The following ZMAT3 variants were observed in gnomAD, a reference collection of about 807,000 sequenced individuals.
The protein encoded by ZMAT3 is zinc finger matrin-type 3, also known as zinc finger matrin-type protein 3.
ZMAT3 carries 17 observed loss-of-function variants against 32.3 expected under a neutral mutation model. The observed-to-expected ratio is 0.53, with a 90% CI of 0.36 to 0.79. ZMAT3 has a LOEUF of 0.79. ZMAT3 is among the 30% of genes least tolerant of loss of function. The probability of loss-of-function intolerance (pLI) is 0.00; values close to 1 mark genes in which losing one functional copy is unlikely to be tolerated. For synonymous variants in ZMAT3, 120 were observed against 133.1 expected (o/e 0.90, Z 0.68); for missense variants, 329 against 359.7 (o/e 0.91, Z 0.69).
intron 2 of ZMAT3, among the ~76,000 whole-genome samples, chr3:179,045,399 G>C (rs555696971): frequency 6.6e-6 from 1 of 152,122 alleles, no homozygotes; most frequent in African/African-American, 2.4e-5. Context: ...CCACCTACAG[G>C]ACAACAGATA....
In ZMAT3 at chr3:179,030,781, A is replaced by T. The variant is rs893100162; in HGVS notation, c.390+99T>A. ...CTTTCAGGATTATTTTCCCAACTGT[A>T]CCCTAATGGACACATGGACGACAAA... On this transcript the variant is annotated intron_variant, in intron 3 of 5. Transcript: ENST00000311417. The T allele has an allele frequency of 5.5e-5, 82 of 1,481,062 alleles. 1 individual carries two copies. In the East Asian group the frequency reaches 2.0e-3, roughly 36 times the overall value. The allele number at this position is 1,481,062 out of a possible 1,614,324, so 91.7% of individuals were successfully genotyped here.
In ZMAT3 at chr3:179,025,240, G is replaced by A. The variant is rs767044952; in HGVS notation, c.659-12C>T. 2.5e-6 allele frequency: 4 copies of A among 1,585,914 alleles called. No homozygotes were observed. In the East Asian group the frequency reaches 9.3e-5, roughly 37 times the overall value. On this transcript the variant is annotated splice_polypyrimidine_tract_variant and intron_variant, in intron 5 of 5. Coordinates refer to ENST00000311417, the MANE Select transcript of ZMAT3 (RefSeq NM_022470.4). ...GAAGTAAGGACCTGCTAAAGCAAGA[G>A]ATAAAAATAATATATTCAAAATATT...
At chr3:179,069,087 G>GT (rs11428326) in intron 1 of ZMAT3, among the ~76,000 whole-genome samples, 124,687 of 151,846 alleles carry the variant, frequency 0.82, 51,722 homozygotes, top group East Asian at 0.94. Flanking sequence ...ATATTCATCA[G>GT]CCCCTGTAAA....
chr3:179,037,228 A>G (rs966430196), intron 2 of ZMAT3, among the ~76,000 whole-genome samples: 5 of 152,134 alleles, frequency 3.3e-5, no homozygotes, highest in Non-Finnish European at 7.3e-5. Flanking sequence ...GGACCGACTG[A>G]GCTGTAACAT....
rs188364780 is a variant in ZMAT3 at position 179,058,962 on chromosome 3, G to C, written c.270+8521C>G. On this transcript the variant is annotated intron_variant, in intron 2 of 5. Transcript: ENST00000311417. ...ACAGACTCTTAAGTATACCTACCTA[G>C]TCCTCCATGCCTATGTAGCAATATG... is the stretch of plus-strand genomic sequence containing the variant. Among the ~76,000 whole-genome samples the C allele has an allele frequency of 9.9e-5, 15 of 152,212 alleles. No individual in the cohort carries two copies. In the East Asian group the frequency reaches 2.7e-3, roughly 27 times the overall value.
At chr3:179,031,452 T>C (rs1010205623) in intron 2 of ZMAT3, among the ~76,000 whole-genome samples, 2 of 152,006 alleles carry the variant, frequency 1.3e-5, no homozygotes, top group Non-Finnish European at 2.9e-5. Context: ...CCTTCACACA[T>C]ACACAACCCT....
intron 2 of ZMAT3, among the ~76,000 whole-genome samples, chr3:179,054,346 G>C (rs1318750152): frequency 6.6e-6 from 1 of 152,194 alleles, no homozygotes; most frequent in South Asian, 2.1e-4. Context: ...AAATGTTTTC[G>C]ATATCATACA....
chr3:179,035,163 G>A (rs1719512905), intron 2 of ZMAT3, among the ~76,000 whole-genome samples: 1 of 152,112 alleles, frequency 6.6e-6, no homozygotes, highest in African/African-American at 2.4e-5. Context: ...ATCTGGCCCT[G>A]TCTAACTGAC....
rs563972892 is a variant in ZMAT3, at chr3:179,047,907, T to C, written c.271-16908A>G. ...AAAGGTGAAGTCCAACTTAAATAAATCAAAAAATAATACAGGTATGAATGG... is the reference window on the plus strand; with the variant it reads ...AAAGGTGAAGTCCAACTTAAATAAACCAAAAAATAATACAGGTATGAATGG... On this transcript the variant is annotated intron_variant, in intron 2 of 5. Coordinates refer to ENST00000311417, the MANE Select transcript of ZMAT3 (RefSeq NM_022470.4). Among the ~76,000 whole-genome samples the C allele has an allele frequency of 2.7e-5, 4 of 149,576 alleles. No homozygotes were observed. In the South Asian group the frequency reaches 8.4e-4, roughly 31 times the overall value.
Position 179,021,523 on chromosome 3 carries a change from T to G in ZMAT3, c.*3494A>C, listed in dbSNP as rs1718540085. 6.6e-6 allele frequency: 1 copy of G among 152,128 alleles called. No homozygotes were observed. Among genetic ancestry groups the G allele is most frequent in the Non-Finnish European group, 1.5e-5 (1 of 68,038 alleles). 9.4% of individuals were successfully genotyped at this position (152,128 alleles called of 1,614,324 possible). Reference sequence around the variant, plus strand: ...TGATGCTATGAGTTCCTATGGATGATTACCGAAATCTAAGTATTTTTTTTT... The same window carrying G: ...TGATGCTATGAGTTCCTATGGATGAGTACCGAAATCTAAGTATTTTTTTTT... On this transcript the variant is annotated 3_prime_UTR_variant, in exon 6 of 6. Coordinates refer to ENST00000311417, the MANE Select transcript of ZMAT3 (RefSeq NM_022470.4).
At chr3:179,062,517 T>C (rs1576877308) in intron 2 of ZMAT3, among the ~76,000 whole-genome samples, 1 of 151,548 alleles carries the variant, frequency 6.6e-6, no homozygotes, top group African/African-American at 2.4e-5. Context: ...GAGGTAGGGG[T>C]AGACTAGAGG....
intron 2 of ZMAT3, among the ~76,000 whole-genome samples, chr3:179,051,554 T>C (rs1440103270): frequency 1.3e-5 from 2 of 152,076 alleles, no homozygotes; most frequent in Non-Finnish European, 2.9e-5. Flanking sequence ...GTAGAATCAG[T>C]GTTGTGAAAA....
At chr3:179,070,113 T>TG (rs552616764) in intron 1 of ZMAT3, among the ~76,000 whole-genome samples, 1,558 of 144,330 alleles carry the variant, frequency 0.011, 11 homozygotes, top group South Asian at 0.026. Context: ...AGTGAAAAGG[T>TG]GGGGGGGGGT....
chr3:179,041,554 AC>A (rs1302370146), intron 2 of ZMAT3, among the ~76,000 whole-genome samples: 1 of 152,260 alleles, frequency 6.6e-6, no homozygotes, highest in Non-Finnish European at 1.5e-5. Flanking sequence ...AACTCAACGT[AC>A]CAGAGTCTCT....
intron 2 of ZMAT3, among the ~76,000 whole-genome samples, chr3:179,050,223 A>T (rs9831543): frequency 1.3e-3 from 190 of 151,834 alleles, no homozygotes; most frequent in African/African-American, 4.4e-3. Flanking sequence ...ACTAATAAAC[A>T]ATTATTGAGG....
rs1271138879 is a variant in ZMAT3 at position 179,019,268 on chromosome 3, C to T, written c.*5749G>A. ...AAAAGAGAAACTGGAAGACAAAAGT[C>T]CACAGGAGGAAAAAAAAAAAAGTAT... On this transcript the variant is annotated 3_prime_UTR_variant, in exon 6 of 6. Transcript: ENST00000311417. 1 of 151,490 alleles carries T rather than the reference C, an allele frequency of 6.6e-6. No individual in the cohort carries two copies. The highest frequency in any genetic ancestry group is 1.5e-5 in the Non-Finnish European group (1 of 67,868). 9.4% of individuals were successfully genotyped at this position (151,490 alleles called of 1,614,324 possible).
chr3:179,057,823 G>A lies in ZMAT3; in HGVS notation c.270+9660C>T, dbSNP rs149835916. On this transcript the variant is annotated intron_variant, in intron 2 of 5. Coordinates refer to ENST00000311417, the MANE Select transcript of ZMAT3 (RefSeq NM_022470.4). ...CTGCCGAATATGGATTCCCAGGTAC[G>A]GTGAAATACCCAGAACATTCTATAC... 8.5e-5 allele frequency among the ~76,000 whole-genome samples: 13 copies of A among 152,256 alleles called. No homozygotes were observed. In the South Asian group the frequency reaches 1.0e-3, roughly 12 times the overall value.
intron 3 of ZMAT3, among the ~76,000 whole-genome samples, chr3:179,030,587 C>T (rs1719128200): frequency 6.6e-6 from 1 of 152,072 alleles, no homozygotes; most frequent in Non-Finnish European, 1.5e-5. Context: ...ATCTCTTGAC[C>T]TCGTGATTCG....
At position 179,018,442 on chromosome 3, in the gene ZMAT3, G is replaced by T. The variant is rs1260912136; in HGVS notation, c.*6575C>A. 6.6e-6 allele frequency: 1 copy of T among 151,684 alleles called. No individual in the cohort carries two copies. The highest frequency in any genetic ancestry group is 6.6e-5 in the Admixed American group (1 of 15,228). 9.4% of individuals were successfully genotyped at this position (151,684 alleles called of 1,614,324 possible). A position where few individuals can be genotyped will look rare whatever the true frequency, so the allele number is the denominator to read the frequency against. On this transcript the variant is annotated 3_prime_UTR_variant, in exon 6 of 6. Transcript: ENST00000311417. The stretch of plus-strand genomic sequence containing the variant: ...TATGTTTAAGTTCAAAGAACTGCCA[G>T]ATGTCTAAAAAAAAAAGTGTAATTA...
Sources: allele counts gnomAD v4.1 joint callset (sites outside exome capture counted in the v4.1 genomes callset), GRCh38; gene constraint gnomAD v4.1.1; transcripts MANE v1.5; gene names NCBI Gene and HGNC (gene_info 2026-07-23, HGNC 2026-07-21).